The following ANO3 variants were observed in gnomAD, a reference collection of about 807,000 sequenced individuals.
ANO3 encodes the protein anoctamin 3, also known as anoctamin-3.
In ANO3, 99 loss-of-function variants were observed where a neutral mutation model predicts 144.8. That is an observed-to-expected ratio of 0.68 (90% CI 0.58 to 0.81). ANO3 has a LOEUF of 0.81. Among genes scored for constraint, ANO3 ranks in the 30% least tolerant of loss-of-function variants. The pLI, the probability that ANO3 is intolerant of heterozygous loss-of-function variation, is 0.00. For synonymous variants in ANO3, 414 were observed against 392.6 expected (o/e 1.05, Z -0.64); for missense variants, 905 against 1,202.2 (o/e 0.75, Z 3.66).
intron 3 of ANO3, among the ~76,000 whole-genome samples, chr11:26,461,955 A>G (rs996096226): frequency 6.6e-6 from 1 of 152,146 alleles, no homozygotes; most frequent in East Asian, 1.9e-4. Flanking sequence ...CTAAAAGCTT[A>G]GAGCTTCTTA....
rs142984461 is a variant in ANO3 at position 26,572,065 on chromosome 11, A to G, written c.1447+12286A>G. The G allele has an allele frequency of 2.1e-4, 211 of 985,260 alleles. No individual in the cohort carries two copies. The African/African-American group carries it at 3.1e-3, about 14-fold the overall frequency. The allele number at this position is 985,260 out of a possible 1,614,324, so 61.0% of individuals were successfully genotyped here. ...CCTTCAGGCTTAGGAGGTATTTACA[A>G]TCAGGAACTGAAATATCACAGTTGT... On this transcript the variant is annotated intron_variant, in intron 14 of 26. Transcript: ENST00000256737.
intron 1 of ANO3, among the ~76,000 whole-genome samples, chr11:26,212,802 C>T (rs1472611388): frequency 6.6e-6 from 1 of 151,914 alleles, no homozygotes; most frequent in Admixed American, 6.6e-5. Flanking sequence ...CATCCTAATG[C>T]CAAAAGCTGG....
At chr11:26,534,198 G>T (rs927080936) in intron 8 of ANO3, among the ~76,000 whole-genome samples, 11 of 152,182 alleles carry the variant, frequency 7.2e-5, no homozygotes, top group African/African-American at 2.7e-4. Context: ...GGGAGCCAAT[G>T]GGCTATCTAT....
At chr11:26,398,182 G>A (rs2133971113) in intron 1 of ANO3, among the ~76,000 whole-genome samples, 1 of 152,168 alleles carries the variant, frequency 6.6e-6, no homozygotes, top group Middle Eastern at 3.4e-3. Context: ...AAAGGAGAGT[G>A]TACCTAAACT....
At position 26,422,052 on chromosome 11, in the gene ANO3, C is replaced by T. The variant is rs190909887; in HGVS notation, c.47-19866C>T. On this transcript the variant is annotated intron_variant, in intron 1 of 26. Transcript: ENST00000256737. ...ATCTCTGCAACAAATGCCCACGACA[C>T]AAGTTTACCTATGTAACAAACCTGA... Among the ~76,000 whole-genome samples the T allele has an allele frequency of 2.0e-5, 3 of 152,114 alleles. No individual in the cohort carries two copies. The East Asian group carries it at 5.8e-4, about 29-fold the overall frequency.
chr11:26,502,846 A>AG lies in ANO3; in HGVS notation c.433-5255dup, dbSNP rs36106789. 1.9e-4 allele frequency among the ~76,000 whole-genome samples: 26 copies of AG among 138,226 alleles called. 1 individual carries two copies. The South Asian group carries it at 6.1e-3, about 32-fold the overall frequency. The allele number at this position is 138,226 out of a possible 152,430, so 90.7% of individuals were successfully genotyped here. The stretch of plus-strand genomic sequence containing the variant: ...GTTAGATTGAGAAGAATAAACATTC[A>AG]GGGAAAAAAAAAAAAAAAAGCCTGT... On this transcript the variant is annotated intron_variant, in intron 4 of 26. Transcript: ENST00000256737.
chr11:26,471,199 G>T (rs1859770102), intron 4 of ANO3, among the ~76,000 whole-genome samples: 1 of 151,892 alleles, frequency 6.6e-6, no homozygotes, highest in South Asian at 2.1e-4. Flanking sequence ...CTGCACTGTG[G>T]TGTGTCTCTT....
At chr11:26,597,494 G>A (rs762500457) in intron 14 of ANO3, among the ~76,000 whole-genome samples, 13 of 152,172 alleles carry the variant, frequency 8.5e-5, no homozygotes, top group Non-Finnish European at 1.0e-4. Flanking sequence ...ACACCCTGCC[G>A]GATCTGGAGG....
At chr11:26,536,797 T>G (rs1370882449) in intron 9 of ANO3, among the ~76,000 whole-genome samples, 3 of 152,170 alleles carry the variant, frequency 2.0e-5, no homozygotes, top group Non-Finnish European at 4.4e-5. Context: ...GGATATGTAA[T>G]TATTTCTAAT....
intron 1 of ANO3, among the ~76,000 whole-genome samples, chr11:26,290,031 A>G (rs190366586): frequency 0.021 from 3,212 of 152,062 alleles, 54 homozygotes; most frequent in East Asian, 0.12. Flanking sequence ...CTGCGAATCC[A>G]TCTGGTCCTG....
chr11:26,528,840 C>A (rs186869126), intron 7 of ANO3, among the ~76,000 whole-genome samples: 1 of 151,648 alleles, frequency 6.6e-6, no homozygotes, highest in Admixed American at 6.6e-5. Flanking sequence ...TATACATCAA[C>A]CTCTCCAATG....
intron 1 of ANO3, among the ~76,000 whole-genome samples, chr11:26,241,771 C>T (rs1852668667): frequency 6.6e-6 from 1 of 152,030 alleles, no homozygotes; most frequent in Admixed American, 6.5e-5. Context: ...ACAGACAAGG[C>T]AATTGAGGCA....
At chr11:26,594,079 C>A (rs994714947) in intron 14 of ANO3, among the ~76,000 whole-genome samples, 2 of 152,126 alleles carry the variant, frequency 1.3e-5, no homozygotes, top group Non-Finnish European at 2.9e-5. Context: ...CCAATGCCTC[C>A]CTTAGTCTCT....
chr11:26,628,544 T>A (rs1852667675), intron 18 of ANO3, among the ~76,000 whole-genome samples: 1 of 152,206 alleles, frequency 6.6e-6, no homozygotes, highest in Non-Finnish European at 1.5e-5. Flanking sequence ...TGATCCACAA[T>A]GTGCTATATT....
intron 1 of ANO3, among the ~76,000 whole-genome samples, chr11:26,211,361 T>C (rs998872794): frequency 2.0e-5 from 3 of 152,092 alleles, no homozygotes; most frequent in Admixed American, 6.6e-5. Flanking sequence ...TAATGCCGTG[T>C]TTAGAGGGAA....
chr11:26,436,063 T>C (rs1858284024), intron 1 of ANO3, among the ~76,000 whole-genome samples: 1 of 152,134 alleles, frequency 6.6e-6, no homozygotes, highest in Non-Finnish European at 1.5e-5. Flanking sequence ...AATGGTCATG[T>C]GGGGGCAGGG....
At chr11:26,579,318 A>G (rs1851070900) in intron 14 of ANO3, among the ~76,000 whole-genome samples, 1 of 152,202 alleles carries the variant, frequency 6.6e-6, no homozygotes, top group Admixed American at 6.5e-5. Flanking sequence ...CATAACTTGA[A>G]GCAGATAGAG....
At chr11:26,651,359 A>T (rs1853526401) in intron 24 of ANO3, among the ~76,000 whole-genome samples, 1 of 152,224 alleles carries the variant, frequency 6.6e-6, no homozygotes, top group Non-Finnish European at 1.5e-5. Flanking sequence ...AATGAAAAAT[A>T]TCCACAATTG....
intron 1 of ANO3, among the ~76,000 whole-genome samples, chr11:26,230,719 C>A (rs1852372414): frequency 7.5e-6 from 1 of 134,096 alleles, no homozygotes. Flanking sequence ...ACTGCTTGAA[C>A]TCAGAAGACA....
Sources: allele counts gnomAD v4.1 joint callset (sites outside exome capture counted in the v4.1 genomes callset), GRCh38; gene constraint gnomAD v4.1.1; transcripts MANE v1.5; gene names NCBI Gene and HGNC (gene_info 2026-07-23, HGNC 2026-07-21).